DYM: variants seen among roughly 807,000 people sequenced by gnomAD.
DYM encodes the protein dyggve-Melchior-Clausen syndrome protein.
DYM carries 78 observed loss-of-function variants against 93.1 expected under a neutral mutation model. The observed-to-expected ratio is 0.84, with a 90% CI of 0.70 to 1.01. The LOEUF is 1.01. Ranked by LOEUF, DYM falls within the 50% of genes least tolerant of loss-of-function variation. The pLI is 0.00. For missense variants in DYM, 789 were observed against 845.0 expected (o/e 0.93, Z 0.82); for synonymous variants, 321 against 319.7 (o/e 1.00, Z -0.04).
At chr18:49,421,171 T>A (rs12456780) in intron 2 of DYM, among the ~76,000 whole-genome samples, 89,154 of 151,964 alleles carry the variant, frequency 0.59, 26,726 homozygotes, top group Non-Finnish European at 0.66. Flanking sequence ...GCACGGAGTT[T>A]GAGATCTGAG....
At chr18:49,194,311 A>G (rs1181035008) in intron 14 of DYM, among the ~76,000 whole-genome samples, 1 of 152,152 alleles carries the variant, frequency 6.6e-6, no homozygotes, top group East Asian at 1.9e-4. Context: ...GCATGTCCAT[A>G]TTCAGGAATT....
At chr18:49,318,810 T>C (rs1398807019) in intron 8 of DYM, among the ~76,000 whole-genome samples, 1 of 141,446 alleles carries the variant, frequency 7.1e-6, no homozygotes, top group African/African-American at 2.6e-5. Context: ...TTTTTTTTTT[T>C]TTTTTTTTGA....
chr18:49,380,964 T>C (rs187479128), intron 3 of DYM, among the ~76,000 whole-genome samples: 2 of 152,164 alleles, frequency 1.3e-5, no homozygotes, highest in Non-Finnish European at 2.9e-5. Flanking sequence ...TTCATTCTTA[T>C]GCAGATCTGG....
At chr18:49,406,055 T>C (rs1415741997) in intron 2 of DYM, among the ~76,000 whole-genome samples, 1 of 152,234 alleles carries the variant, frequency 6.6e-6, no homozygotes, top group Non-Finnish European at 1.5e-5. Context: ...GAAATGCTAC[T>C]GATTTTTGTA....
rs1173702193 is a variant in DYM, at chr18:49,258,391, T to C, written c.1354A>G (p.Thr452Ala). The C allele has an allele frequency of 6.2e-7, 1 of 1,604,194 alleles. No individual in the cohort carries two copies. Among genetic ancestry groups the C allele is most frequent in the Non-Finnish European group, 8.5e-7 (1 of 1,170,970 alleles). ...VVIRTIQYNM[T>A]RTRDKYLHTN... ...GCTGGAATACTTACTCGTGTCCTAG[T>C]CATGTTGTATTGAATGGTTCTTATT... The change falls in exon 12 of 18, where the codon ACT (threonine) becomes GCT (alanine). Residue 452 changes from threonine to alanine, a missense_variant. This residue lies in a region of DYM where 225 missense variants were observed against 303.0 expected (regional missense o/e 0.74). Coordinates refer to ENST00000675505, the MANE Select transcript of DYM (RefSeq NM_001353214.3).
intron 8 of DYM, among the ~76,000 whole-genome samples, chr18:49,308,057 C>G (rs553132339): frequency 2.6e-5 from 4 of 152,078 alleles, no homozygotes; most frequent in Non-Finnish European, 5.9e-5. Context: ...AATAAAATGA[C>G]ATTACTTAAC....
intron 17 of DYM, 134 bp from the exon 18 acceptor site, chr18:49,044,338 T>C: frequency 6.7e-6 from 6 of 893,720 alleles, no homozygotes; most frequent in Non-Finnish European, 9.0e-6. Flanking sequence ...GCATGAAAGC[T>C]CTGGGGCTTT....
intron 11 of DYM, among the ~76,000 whole-genome samples, chr18:49,262,209 C>A (rs933748357): frequency 2.0e-5 from 3 of 152,116 alleles, no homozygotes; most frequent in Non-Finnish European, 4.4e-5. Flanking sequence ...GTAGCAGAGA[C>A]TGGAGTGATG....
chr18:49,438,306 A>G (rs757122081), intron 1 of DYM, among the ~76,000 whole-genome samples: 1 of 152,218 alleles, frequency 6.6e-6, no homozygotes, highest in Non-Finnish European at 1.5e-5. Context: ...GAGACAGCCA[A>G]TTGAGTAAAG....
intron 5 of DYM, among the ~76,000 whole-genome samples, chr18:49,369,786 C>T (rs1405025521): frequency 6.6e-6 from 1 of 152,166 alleles, no homozygotes. Flanking sequence ...CATGGAAGTG[C>T]CATTAAAGCC....
At chr18:49,419,830 T>G (rs561869117) in intron 2 of DYM, among the ~76,000 whole-genome samples, 10 of 152,354 alleles carry the variant, frequency 6.6e-5, no homozygotes, top group Admixed American at 4.6e-4. Flanking sequence ...CCATATACTA[T>G]AATTTGGAAT....
intron 17 of DYM, among the ~76,000 whole-genome samples, chr18:49,057,697 C>G (rs2075620595): frequency 6.6e-6 from 1 of 152,210 alleles, no homozygotes; most frequent in Admixed American, 6.5e-5. Flanking sequence ...AACTGTCGCA[C>G]TGATCAATTA....
At chr18:49,182,242 G>A (rs111377446) in intron 14 of DYM, among the ~76,000 whole-genome samples, 2,288 of 152,272 alleles carry the variant, frequency 0.015, 56 homozygotes, top group African/African-American at 0.051. Flanking sequence ...GTTGGCAAAT[G>A]TTCCTATGCA....
At chr18:49,404,783 G>C (rs1368271852) in intron 2 of DYM, among the ~76,000 whole-genome samples, 2 of 152,162 alleles carry the variant, frequency 1.3e-5, no homozygotes, top group African/African-American at 4.8e-5. Flanking sequence ...ATTTTGGGAG[G>C]CCAAGGCAGG....
At chr18:49,431,523 A>G (rs1169918865) in intron 1 of DYM, among the ~76,000 whole-genome samples, 2 of 152,222 alleles carry the variant, frequency 1.3e-5, no homozygotes, top group Non-Finnish European at 2.9e-5. Flanking sequence ...TCTCCCTTAA[A>G]TCACACTTAA....
intron 17 of DYM, among the ~76,000 whole-genome samples, chr18:49,092,692 G>GTGA (rs1283024770): frequency 1.3e-5 from 2 of 152,130 alleles, no homozygotes; most frequent in Admixed American, 1.3e-4. Context: ...GGTGATATCG[G>GTGA]TGATGATGAT....
chr18:49,102,882 G>C (rs1447086354), intron 16 of DYM, among the ~76,000 whole-genome samples: 1 of 152,156 alleles, frequency 6.6e-6, no homozygotes, highest in Non-Finnish European at 1.5e-5. Flanking sequence ...ACACACGTGT[G>C]CATGTGTCTT....
chr18:49,273,623 G>A (rs1362242483), intron 10 of DYM, among the ~76,000 whole-genome samples: 2 of 152,024 alleles, frequency 1.3e-5, no homozygotes, highest in African/African-American at 2.4e-5. Flanking sequence ...TATTTAGTAC[G>A]GTAACATGAT....
chr18:49,421,024 C>T (rs113023768), intron 2 of DYM, among the ~76,000 whole-genome samples: 1,681 of 151,952 alleles, frequency 0.011, 30 homozygotes, highest in African/African-American at 0.039. Context: ...AAGCCCAAAC[C>T]GCAGCTCAAG....
Sources: gnomAD v4.1 joint callset for allele counts (sites outside exome capture counted in the v4.1 genomes callset) on GRCh38, gnomAD v4.1.1 for gene constraint, gnomAD v4.1.1 regional missense constraint, MANE v1.5 for transcripts, NCBI Gene and HGNC (gene_info 2026-07-23, HGNC 2026-07-21) for gene names.